CSMD1: variants seen among roughly 807,000 people sequenced by gnomAD.
CSMD1 encodes CUB and sushi domain-containing protein 1.
A neutral mutation model predicts 417.5 loss-of-function variants in CSMD1; 213 were observed. The ratio of observed to expected loss-of-function variants is 0.51; its 90% CI spans 0.46 to 0.57. The LOEUF is 0.57. Among genes scored for constraint, CSMD1 ranks in the 20% least tolerant of loss-of-function variants. The pLI, the probability that CSMD1 is intolerant of heterozygous loss-of-function variation, is 0.00. For synonymous variants in CSMD1, 2,862 were observed against 1,736.8 expected (o/e 1.65, Z -16.11); for missense variants, 6,923 against 4,529.7 (o/e 1.53, Z -15.17).
At chr8:4,276,401 A>T (rs893358232) in intron 3 of CSMD1, among the ~76,000 whole-genome samples, 1 of 152,124 alleles carries the variant, frequency 6.6e-6, no homozygotes, top group Non-Finnish European at 1.5e-5. Context: ...ACATGTTTTC[A>T]CTCATAAGTG....
At chr8:3,648,457 T>A (rs1448088237) in intron 7 of CSMD1, among the ~76,000 whole-genome samples, 8 of 152,196 alleles carry the variant, frequency 5.3e-5, no homozygotes, top group Non-Finnish European at 1.0e-4. Flanking sequence ...GTACCTACAT[T>A]TTCAGGGACA....
At chr8:3,496,302 G>A (rs895697) in intron 10 of CSMD1, among the ~76,000 whole-genome samples, 124,223 of 152,068 alleles carry the variant, frequency 0.82, 50,874 homozygotes, top group Middle Eastern at 0.87. Flanking sequence ...CCCTGTGTTG[G>A]CAGTTTTGGT....
chr8:3,324,301 AG>A (rs1806366928), intron 23 of CSMD1, among the ~76,000 whole-genome samples: 1 of 149,498 alleles, frequency 6.7e-6, no homozygotes, highest in African/African-American at 2.5e-5. Flanking sequence ...CCTGAGACCC[AG>A]GAGGGGGAGT....
intron 2 of CSMD1, among the ~76,000 whole-genome samples, chr8:4,539,223 G>C (rs186960397): frequency 1.3e-5 from 2 of 152,204 alleles, no homozygotes; most frequent in Non-Finnish European, 2.9e-5. Context: ...ACTGCCACAA[G>C]TCAGCAGACA....
At chr8:3,179,886 A>C (rs1199832668) in intron 37 of CSMD1, among the ~76,000 whole-genome samples, 2 of 152,240 alleles carry the variant, frequency 1.3e-5, no homozygotes, top group Admixed American at 1.3e-4. Flanking sequence ...CTTGCAGACA[A>C]ATGCCCATAA....
At chr8:4,596,862 T>C (rs1045206145) in intron 2 of CSMD1, among the ~76,000 whole-genome samples, 4 of 152,210 alleles carry the variant, frequency 2.6e-5, no homozygotes, top group African/African-American at 9.6e-5. Context: ...TGGGGGCTGA[T>C]CTTTCCCATG....
At chr8:4,495,822 C>G (rs1801952214) in intron 2 of CSMD1, among the ~76,000 whole-genome samples, 2 of 152,250 alleles carry the variant, frequency 1.3e-5, no homozygotes, top group South Asian at 4.1e-4. Context: ...GTCATAGCCT[C>G]TTTATCAACA....
chr8:4,920,982 C>A (rs13280544), intron 1 of CSMD1, among the ~76,000 whole-genome samples: 2 of 17,544 alleles, frequency 1.1e-4, no homozygotes, highest in Admixed American at 9.0e-4. Flanking sequence ...AAGAAAGAAA[C>A]AAAGAAAGAA....
At chr8:3,135,365 T>C (rs1294864564) in intron 41 of CSMD1, among the ~76,000 whole-genome samples, 1 of 152,256 alleles carries the variant, frequency 6.6e-6, no homozygotes, top group Non-Finnish European at 1.5e-5. Context: ...ATGTATTATG[T>C]TGTTTTTCCA....
intron 3 of CSMD1, among the ~76,000 whole-genome samples, chr8:4,177,383 G>A (rs975803844): frequency 8.6e-5 from 13 of 151,934 alleles, no homozygotes; most frequent in African/African-American, 2.7e-4. Flanking sequence ...TGAAACCAAC[G>A]AGAACAAAGA....
chr8:4,495,443 C>T (rs971346062), intron 2 of CSMD1, among the ~76,000 whole-genome samples: 6 of 151,916 alleles, frequency 3.9e-5, no homozygotes, highest in East Asian at 3.9e-4. Context: ...GGCCTGGTGA[C>T]GTGTGCCTGT....
chr8:4,174,677 G>A (rs1045595941), intron 3 of CSMD1, among the ~76,000 whole-genome samples: 1 of 124,288 alleles, frequency 8.0e-6, no homozygotes, highest in Non-Finnish European at 1.7e-5. Flanking sequence ...ATGCTAACAT[G>A]CTCAAAGAAA....
chr8:3,607,963 A>C (rs1286365685), intron 8 of CSMD1, among the ~76,000 whole-genome samples: 7 of 152,108 alleles, frequency 4.6e-5, no homozygotes, highest in African/African-American at 1.7e-4. Context: ...TGAGGTCAGG[A>C]GTTCAAGACC....
chr8:4,686,807 A>G (rs547896012), intron 1 of CSMD1, among the ~76,000 whole-genome samples: 1 of 152,368 alleles, frequency 6.6e-6, no homozygotes, highest in South Asian at 2.1e-4. Flanking sequence ...TTGAAAGGTT[A>G]GAACCATGAA....
intron 3 of CSMD1, among the ~76,000 whole-genome samples, chr8:4,057,315 G>A (rs543446646): frequency 2.0e-4 from 31 of 152,242 alleles, no homozygotes; most frequent in Admixed American, 1.8e-3. Flanking sequence ...GTGCTTTTTG[G>A]CTGCATAAAT....
chr8:4,315,118 C>T (rs1004384962), intron 3 of CSMD1, among the ~76,000 whole-genome samples: 8 of 152,142 alleles, frequency 5.3e-5, no homozygotes, highest in Non-Finnish European at 8.8e-5. Context: ...CTTACACCAT[C>T]GCAAGAGCAC....
chr8:4,202,833 G>C (rs1004764291), intron 3 of CSMD1, among the ~76,000 whole-genome samples: 1 of 152,208 alleles, frequency 6.6e-6, no homozygotes, highest in Non-Finnish European at 1.5e-5. Context: ...GGGCAGTGAA[G>C]CTGAAACTTG....
chr8:4,283,676 A>T (rs1796909592), intron 3 of CSMD1, among the ~76,000 whole-genome samples: 1 of 152,206 alleles, frequency 6.6e-6, no homozygotes, highest in Admixed American at 6.5e-5. Flanking sequence ...TCAGTTTTCC[A>T]CATTCACTTA....
chr8:3,796,860 C>A (rs998796929), intron 5 of CSMD1, among the ~76,000 whole-genome samples: 7 of 151,490 alleles, frequency 4.6e-5, no homozygotes, highest in South Asian at 2.1e-4. Flanking sequence ...ACATTTCATT[C>A]TATTGTTTCT....
Sources: allele counts gnomAD v4.1 joint callset (sites outside exome capture counted in the v4.1 genomes callset), GRCh38; gene constraint gnomAD v4.1.1; transcripts MANE v1.5; gene names NCBI Gene and HGNC (gene_info 2026-07-23, HGNC 2026-07-21).